ACTN1: variants seen among roughly 807,000 people sequenced by gnomAD.
The protein encoded by ACTN1 is alpha-actinin-1.
In ACTN1, 30 loss-of-function variants were observed where a neutral mutation model predicts 119.6. The ratio of observed to expected loss-of-function variants is 0.25; its 90% CI spans 0.19 to 0.34. The LOEUF (loss-of-function observed/expected upper bound fraction) is 0.34, where lower values mean the gene tolerates loss of function less well. Ranked by LOEUF, ACTN1 falls within the 10% of genes least tolerant of loss-of-function variation. The pLI is 1.00. For missense variants in ACTN1, 764 were observed against 1,223.4 expected, an observed-to-expected ratio of 0.62 and a Z score of 5.60; for synonymous variants, 429 against 472.6, an observed-to-expected ratio of 0.91 and a Z score of 1.20.
intron 1 of ACTN1, among the ~76,000 whole-genome samples, chr14:68,954,339 T>C (rs1304160398): frequency 6.6e-6 from 1 of 152,156 alleles, no homozygotes; most frequent in African/African-American, 2.4e-5. Flanking sequence ...TTTATTTATT[T>C]ATTCTGAAAT....
chr14:68,914,736 A>C (rs1447371337), intron 3 of ACTN1, among the ~76,000 whole-genome samples: 1 of 152,122 alleles, frequency 6.6e-6, no homozygotes, highest in Non-Finnish European at 1.5e-5. Flanking sequence ...TCACCGCTGC[A>C]CTCCAACCTA....
In ACTN1 at chr14:68,925,707, G is replaced by A; in HGVS notation, c.106-35C>T. On this transcript the variant is annotated intron_variant, in intron 1 of 21. Transcript: ENST00000394419. The surrounding 1 kb of genome is among the most constrained non-coding windows in gnomAD (Gnocchi z 4.3). The stretch of plus-strand genomic sequence containing the variant: ...GACAAGAAGGGCAAGTGGTCAGGGG[G>A]CTGGTGTTGTCACCCTCATTGGACA... 6.4e-7 allele frequency: 1 copy of A among 1,565,498 alleles called. No individual in the cohort carries two copies. Among genetic ancestry groups the A allele is most frequent in the Non-Finnish European group, 8.8e-7 (1 of 1,141,666 alleles).
chr14:68,908,080 T>C (rs1232614502), intron 6 of ACTN1, among the ~76,000 whole-genome samples: 1 of 147,428 alleles, frequency 6.8e-6, no homozygotes, highest in Non-Finnish European at 1.5e-5. Flanking sequence ...GGAGGTTAGC[T>C]GGCGAAGGGC....
chr14:68,893,605 G>C, intron 9 of ACTN1, 50 bp downstream of exon 9: 1 of 1,549,122 alleles, frequency 6.5e-7, no homozygotes, highest in Non-Finnish European at 8.9e-7. Flanking sequence ...ACACGTTCTA[G>C]GGGACTGACT....
rs872810 is a variant in ACTN1, at chr14:68,910,058, T to C, written c.428-16A>G. On this transcript the variant is annotated splice_polypyrimidine_tract_variant and intron_variant, in intron 4 of 21. Transcript: ENST00000394419. ...GCTGAAGTCTCTATGGGGAAGGGGA[T>C]GGGCAGCGAGGTCAGAGGGCTGACT... The C allele has an allele frequency of 0.15, 246,902 of 1,609,222 alleles. 28,448 individuals carry two copies. The highest frequency in any genetic ancestry group is 0.64 in the East Asian group (28,820 of 44,766).
chr14:68,876,394 T>C (rs1027463449), intron 21 of ACTN1, among the ~76,000 whole-genome samples: 1 of 151,726 alleles, frequency 6.6e-6, no homozygotes, highest in Admixed American at 6.6e-5. Flanking sequence ...CCACCATTTC[T>C]TCTGGCTGCT....
In ACTN1 at chr14:68,964,065, A is replaced by G. The variant is rs115276599; in HGVS notation, c.105+14887T>C. Among the ~76,000 whole-genome samples, 1,126 of 152,292 alleles carry G rather than the reference A, an allele frequency of 7.4e-3. 15 individuals carry two copies. The highest frequency in any genetic ancestry group is 0.024 in the African/African-American group (994 of 41,568). On this transcript the variant is annotated intron_variant, in intron 1 of 21. Transcript: ENST00000394419. ...ATGCCACCCCAGGAATTAAATATCT[A>G]TTGGCATTTGTAACATAAAGGTTAT...
rs905921128 is a variant in ACTN1 at position 68,903,247 on chromosome 14, G to A, written c.677-685C>T. Reference sequence around the variant, plus strand: ...TCTGCTTTTGCCTGGGTTTTTATGCGTTTGAAAATTTTCCTCATGACATTT... The same window carrying A: ...TCTGCTTTTGCCTGGGTTTTTATGCATTTGAAAATTTTCCTCATGACATTT... On this transcript the variant is annotated intron_variant, in intron 7 of 21. Coordinates refer to ENST00000394419, the MANE Select transcript of ACTN1 (RefSeq NM_001130004.2). Among the ~76,000 whole-genome samples the A allele has an allele frequency of 2.4e-4, 37 of 152,282 alleles. No individual in the cohort carries two copies. In the East Asian group the frequency reaches 6.6e-3, roughly 27 times the overall value.
intron 3 of ACTN1, among the ~76,000 whole-genome samples, chr14:68,917,003 T>C (rs1411750747): frequency 6.6e-6 from 1 of 152,046 alleles, no homozygotes; most frequent in Non-Finnish European, 1.5e-5. Flanking sequence ...TAAAGATACA[T>C]GCTACCTCAC....
Position 68,932,513 on chromosome 14 carries a change from CTTTT to C in ACTN1, c.106-6845_106-6842del, listed in dbSNP as rs753725900. Among the ~76,000 whole-genome samples, 254 of 87,290 alleles carry C rather than the reference CTTTT, an allele frequency of 2.9e-3. 1 individual carries two copies. The highest frequency in any genetic ancestry group is 0.011 in the African/African-American group (245 of 22,172). 57.3% of individuals were successfully genotyped at this position (87,290 alleles called of 152,430 possible). A position where few individuals can be genotyped will look rare whatever the true frequency, so the allele number is the denominator to read the frequency against. ...AGAGAACCCTGACTAATACACCCAG[CTTTT>C]TTTTTTTTTTTTTTTTTTTTTTAAT... On this transcript the variant is annotated intron_variant, in intron 1 of 21. Transcript: ENST00000394419.
intron 11 of ACTN1, chr14:68,887,021 C>T (rs899733586): frequency 2.5e-5 from 4 of 162,488 alleles, no homozygotes; most frequent in African/African-American, 9.7e-5. Flanking sequence ...AAGATCAGTA[C>T]AGACGTTTCA....
chr14:68,888,245 TG>T lies in ACTN1; in HGVS notation c.1234+1893del, dbSNP rs1286875419. 4 of 370,038 alleles carry T rather than the reference TG, an allele frequency of 1.1e-5. No individual in the cohort carries two copies. In the East Asian group the frequency reaches 2.0e-4, roughly 18 times the overall value. 22.9% of individuals were successfully genotyped at this position (370,038 alleles called of 1,614,324 possible). On this transcript the variant is annotated intron_variant, in intron 11 of 21. Coordinates refer to ENST00000394419, the MANE Select transcript of ACTN1 (RefSeq NM_001130004.2). ...TTCCCAGGTCAGAGTGTAGTAAAATTGGTAGAACTGAATACATGTGGCCAAA... is the reference window on the plus strand; with the variant it reads ...TTCCCAGGTCAGAGTGTAGTAAAATTGTAGAACTGAATACATGTGGCCAAA...
chr14:68,975,472 A>C (rs753074557), intron 1 of ACTN1, among the ~76,000 whole-genome samples: 1 of 152,194 alleles, frequency 6.6e-6, no homozygotes, highest in Admixed American at 6.5e-5. Flanking sequence ...TCAGAGAGGA[A>C]CTTGCCCAAG....
Position 68,906,077 on chromosome 14 carries a change from G to A in ACTN1, c.595-1341C>T, listed in dbSNP as rs578104435. Among the ~76,000 whole-genome samples, 8 of 152,162 alleles carry A rather than the reference G, an allele frequency of 5.3e-5. No individual in the cohort carries two copies. In the East Asian group the frequency reaches 1.5e-3, roughly 29 times the overall value. On this transcript the variant is annotated intron_variant, in intron 6 of 21. Transcript: ENST00000394419. Reference sequence around the variant, plus strand: ...ATGGTAGCAGCCAGAGGCCGGGGGGGCAGGAAAGAACGGGGAACTACCGTT... The same window carrying A: ...ATGGTAGCAGCCAGAGGCCGGGGGGACAGGAAAGAACGGGGAACTACCGTT...
intron 8 of ACTN1, among the ~76,000 whole-genome samples, chr14:68,899,465 A>AGCCCC (rs2033154637): frequency 7.4e-6 from 1 of 135,890 alleles, no homozygotes; most frequent in Non-Finnish European, 1.6e-5. Context: ...ACCACACTCC[A>AGCCCC]CATACACACA....
Position 68,951,097 on chromosome 14 carries a change from C to G in ACTN1, c.106-25425G>C, listed in dbSNP as rs2036149937. Among the ~76,000 whole-genome samples, 4 of 152,156 alleles carry G rather than the reference C, an allele frequency of 2.6e-5. No homozygotes were observed. The South Asian group carries it at 8.3e-4, about 32-fold the overall frequency. On this transcript the variant is annotated intron_variant, in intron 1 of 21. Transcript: ENST00000394419. ...AGGGCAGCTGGATAGCACAGGCCTT[C>G]CCTGGCCCCCCGCCCTTTGAGAAAC...
chr14:68,911,817 C>T (rs1234736958), intron 4 of ACTN1, among the ~76,000 whole-genome samples: 1 of 152,182 alleles, frequency 6.6e-6, no homozygotes, highest in Non-Finnish European at 1.5e-5. Flanking sequence ...GGGGTTAGCG[C>T]CCCTCCTGGT....
chr14:68,966,519 T>C (rs2036711369), intron 1 of ACTN1, among the ~76,000 whole-genome samples: 2 of 152,120 alleles, frequency 1.3e-5, no homozygotes, highest in East Asian at 1.9e-4. Context: ...ATTCTTCCTG[T>C]TCCTGGGGGA....
intron 3 of ACTN1, among the ~76,000 whole-genome samples, chr14:68,919,844 G>A (rs994338045): frequency 3.3e-5 from 5 of 152,176 alleles, no homozygotes; most frequent in East Asian, 1.9e-4. Flanking sequence ...CATTAACACC[G>A]GTGTGCTGTG....
Sources: allele counts gnomAD v4.1 joint callset (sites outside exome capture counted in the v4.1 genomes callset), GRCh38; gene constraint gnomAD v4.1.1; non-coding constraint Gnocchi (gnomAD v3.1); transcripts MANE v1.5; gene names NCBI Gene and HGNC (gene_info 2026-07-23, HGNC 2026-07-21).